The following AMPH variants were observed in gnomAD, a reference collection of about 807,000 sequenced individuals.
AMPH encodes the protein amphiphysin.
Under a neutral mutation model 99.1 loss-of-function variants are expected in AMPH, and 49 were observed. The ratio of observed to expected loss-of-function variants is 0.49; its 90% CI spans 0.39 to 0.63. The LOEUF is 0.63. Among genes scored for constraint, AMPH ranks in the 20% least tolerant of loss-of-function variants. The probability of loss-of-function intolerance (pLI) is 0.00; values close to 1 mark genes in which losing one functional copy is unlikely to be tolerated. For missense variants in AMPH, 759 were observed against 863.4 expected, an observed-to-expected ratio of 0.88 and a Z score of 1.52; for synonymous variants, 314 against 317.3, an observed-to-expected ratio of 0.99 and a Z score of 0.11.
intron 5 of AMPH, among the ~76,000 whole-genome samples, chr7:38,479,652 C>T (rs960221705): frequency 6.7e-6 from 1 of 148,572 alleles, no homozygotes; most frequent in Non-Finnish European, 1.5e-5. Flanking sequence ...TACTGTTGTA[C>T]TGTTCTTAAA....
chr7:38,532,623 C>G (rs2129039525), intron 2 of AMPH, among the ~76,000 whole-genome samples: 1 of 152,148 alleles, frequency 6.6e-6, no homozygotes, highest in East Asian at 1.9e-4. Flanking sequence ...CCACATGCTG[C>G]TGCTGCTAGT....
At chr7:38,577,623 C>T (rs1320364306) in intron 1 of AMPH, among the ~76,000 whole-genome samples, 3 of 146,966 alleles carry the variant, frequency 2.0e-5, no homozygotes, top group Non-Finnish European at 4.5e-5. Context: ...AGCTGTTGAA[C>T]AAATAATAGG....
chr7:38,389,878 C>G lies in AMPH; in HGVS notation c.1906G>C (p.Ala636Pro), dbSNP rs762466435. The change falls in exon 20 of 21, where the codon GCA (alanine) becomes CCA (proline). Residue 636 changes from alanine to proline, a missense_variant. Physicochemically the swap from Ala to Pro is conservative, Grantham distance 27 (BLOSUM62 -1). Transcript: ENST00000356264. ...TGTAAGGTAAGTTCATCAGAATTTGCTGCCTCAAAATCATGCAGTGTTTCC... is the reference window on the plus strand; with the variant it reads ...TGTAAGGTAAGTTCATCAGAATTTGGTGCCTCAAAATCATGCAGTGTTTCC... ...KVETLHDFEA[A>P]NSDELTLQRG... The G allele has an allele frequency of 3.1e-6, 5 of 1,613,490 alleles. No individual in the cohort carries two copies. The African/African-American group carries it at 6.7e-5, about 22-fold the overall frequency.
chr7:38,539,280 T>C (rs1790723897), intron 1 of AMPH, among the ~76,000 whole-genome samples: 1 of 152,116 alleles, frequency 6.6e-6, no homozygotes, highest in Non-Finnish European at 1.5e-5. Context: ...ATTAGTGGAA[T>C]GGCAGTCAGA....
chr7:38,471,623 A>G (rs1787890542), intron 7 of AMPH, among the ~76,000 whole-genome samples: 1 of 152,184 alleles, frequency 6.6e-6, no homozygotes, highest in African/African-American at 2.4e-5. Flanking sequence ...AAAAGCCTAC[A>G]TTTTGGTAAC....
At chr7:38,449,084 G>T (rs1786905029) in intron 11 of AMPH, among the ~76,000 whole-genome samples, 1 of 152,142 alleles carries the variant, frequency 6.6e-6, no homozygotes, top group South Asian at 2.1e-4. Flanking sequence ...AAAGACAGAT[G>T]ACTAAACTGG....
At chr7:38,525,445 C>CGTGTGCGT (rs1554353180) in intron 2 of AMPH, among the ~76,000 whole-genome samples, 2 of 125,420 alleles carry the variant, frequency 1.6e-5, no homozygotes, top group African/African-American at 5.8e-5. Flanking sequence ...CTCATTTGTG[C>CGTGTGCGT]GTGTGTGTGT....
At chr7:38,612,826 C>T (rs187529278) in intron 1 of AMPH, among the ~76,000 whole-genome samples, 73 of 152,296 alleles carry the variant, frequency 4.8e-4, no homozygotes, top group African/African-American at 1.7e-3. Flanking sequence ...CAAGGTGCTT[C>T]CCCATTTGGT....
chr7:38,484,483 AAACAAGAATACTTGTTTCTTGC>A (rs1284586528), intron 5 of AMPH, among the ~76,000 whole-genome samples: 1 of 152,104 alleles, frequency 6.6e-6, no homozygotes, highest in Non-Finnish European at 1.5e-5. Context: ...AAAAACTGTG[AAACAAGAATACTTGTTTCTTGC>A]ATTCTTAAAG....
At chr7:38,390,836 C>T (rs533116738) in intron 19 of AMPH, among the ~76,000 whole-genome samples, 99 of 152,218 alleles carry the variant, frequency 6.5e-4, no homozygotes, top group Non-Finnish European at 1.3e-3. Context: ...TGGCAGGAAA[C>T]AACCCCTTAT....
At chr7:38,512,781 A>G (rs893169679) in intron 2 of AMPH, among the ~76,000 whole-genome samples, 1 of 152,230 alleles carries the variant, frequency 6.6e-6, no homozygotes, top group Non-Finnish European at 1.5e-5. Context: ...TAGATAGGCC[A>G]GAACTGAAGA....
chr7:38,487,177 C>A (rs1229816287), intron 5 of AMPH, among the ~76,000 whole-genome samples: 1 of 152,086 alleles, frequency 6.6e-6, no homozygotes, highest in African/African-American at 2.4e-5. Context: ...TACAAAAAAA[C>A]TGCCAGAACT....
chr7:38,417,247 C>T (rs565365085), intron 17 of AMPH, among the ~76,000 whole-genome samples: 21 of 152,188 alleles, frequency 1.4e-4, no homozygotes, highest in African/African-American at 4.8e-4. Flanking sequence ...AGCAGGTTTC[C>T]AGGCAGACAA....
chr7:38,393,305 A>C (rs1238233772), intron 18 of AMPH, among the ~76,000 whole-genome samples: 1 of 152,350 alleles, frequency 6.6e-6, no homozygotes, highest in East Asian at 1.9e-4. Flanking sequence ...GAGTAAAATC[A>C]TCAGAAGAAA....
intron 7 of AMPH, among the ~76,000 whole-genome samples, chr7:38,468,509 G>A (rs1787753219): frequency 6.6e-6 from 1 of 152,134 alleles, no homozygotes; most frequent in African/African-American, 2.4e-5. Context: ...AAATGGTATA[G>A]TATCAGAAAT....
intron 1 of AMPH, among the ~76,000 whole-genome samples, chr7:38,602,173 G>A (rs1793269356): frequency 6.6e-6 from 1 of 152,190 alleles, no homozygotes; most frequent in Non-Finnish European, 1.5e-5. Context: ...ACGCCAATAA[G>A]GGGGATGAGA....
intron 2 of AMPH, chr7:38,530,971 T>C (rs1185129638): frequency 2.6e-5 from 4 of 152,244 alleles, no homozygotes; most frequent in Admixed American, 2.0e-4. Context: ...TTCCCTGATG[T>C]ACTACTCCTA....
intron 1 of AMPH, among the ~76,000 whole-genome samples, chr7:38,560,008 C>G (rs1791500256): frequency 6.6e-6 from 1 of 152,206 alleles, no homozygotes; most frequent in Non-Finnish European, 1.5e-5. Flanking sequence ...GAATTCTGCT[C>G]ATTGGTATAC....
intron 1 of AMPH, among the ~76,000 whole-genome samples, chr7:38,613,359 C>G (rs1793752830): frequency 6.6e-6 from 1 of 152,208 alleles, no homozygotes; most frequent in African/African-American, 2.4e-5. Flanking sequence ...GTAGAACTTT[C>G]ACCTCACAAT....
Sources: gnomAD v4.1 joint callset for allele counts (sites outside exome capture counted in the v4.1 genomes callset) on GRCh38, gnomAD v4.1.1 for gene constraint, MANE v1.5 for transcripts, NCBI Gene and HGNC (gene_info 2026-07-23, HGNC 2026-07-21) for gene names.